Variants in GRIK2 observed in about 807,000 individuals in gnomAD.
GRIK2 encodes glutamate receptor ionotropic, kainate 2.
A neutral mutation model predicts 100.3 loss-of-function variants in GRIK2; 32 were observed. The observed-to-expected ratio is 0.32, with a 90% CI of 0.24 to 0.43. GRIK2 has a LOEUF of 0.43. GRIK2 is among the 20% of genes least tolerant of loss of function. The pLI, the probability that GRIK2 is intolerant of heterozygous loss-of-function variation, is 1.00. For missense variants in GRIK2, 843 were observed against 1,114.9 expected, an observed-to-expected ratio of 0.76 and a Z score of 3.47; for synonymous variants, 417 against 389.4, an observed-to-expected ratio of 1.07 and a Z score of -0.83.
intron 2 of GRIK2, among the ~76,000 whole-genome samples, chr6:101,593,757 A>C (rs1004577889): frequency 6.6e-6 from 1 of 151,892 alleles, no homozygotes; most frequent in African/African-American, 2.4e-5. Context: ...TTACTTCCCA[A>C]TGAGCAAAGT....
At chr6:101,737,902 A>C (rs1214846895) in intron 7 of GRIK2, among the ~76,000 whole-genome samples, 1 of 152,188 alleles carries the variant, frequency 6.6e-6, no homozygotes, top group Non-Finnish European at 1.5e-5. Context: ...GATTAAAATC[A>C]GGAAACATTT....
chr6:101,676,632 G>A lies in GRIK2; in HGVS notation c.551G>A (p.Arg184His), dbSNP rs777004979. Residue 184 changes from arginine (R) to histidine (H), a missense_variant, in exon 5 of 17, where the codon CGT becomes CAT. By Grantham distance (29) the Arg-to-His change is conservative. Coordinates refer to ENST00000369134, the MANE Select transcript of GRIK2 (RefSeq NM_021956.5). Reference protein sequence around the residue: ...VVYDDSTGLIRLQELIKAPSR... With the variant: ...VVYDDSTGLIHLQELIKAPSR... ...TCCATTTTAATTAAAGGTCTCATTC[G>A]TTTGCAAGAGCTCATCAAAGCTCCA... The A allele has an allele frequency of 3.4e-6, 5 of 1,490,078 alleles. No homozygotes were observed. Among genetic ancestry groups the A allele is most frequent in the Non-Finnish European group, 4.5e-6 (5 of 1,116,920 alleles). 92.3% of individuals were successfully genotyped at this position (1,490,078 alleles called of 1,614,324 possible).
At chr6:101,476,733 T>C (rs1465145033) in intron 2 of GRIK2, among the ~76,000 whole-genome samples, 1 of 152,174 alleles carries the variant, frequency 6.6e-6, no homozygotes, top group African/African-American at 2.4e-5. Context: ...TTAAAAATCA[T>C]ATGTTCTGCC....
chr6:101,432,489 A>G (rs907001631), intron 2 of GRIK2, among the ~76,000 whole-genome samples: 3 of 152,196 alleles, frequency 2.0e-5, no homozygotes, highest in Non-Finnish European at 4.4e-5. Flanking sequence ...CACTAAGTAA[A>G]CATTTATTGA....
chr6:101,894,934 A>G (rs1301062181), intron 12 of GRIK2, among the ~76,000 whole-genome samples: 2 of 151,780 alleles, frequency 1.3e-5, no homozygotes, highest in Admixed American at 6.6e-5. Flanking sequence ...ATATCCCTCC[A>G]ACAGGATTGA....
chr6:101,701,647 GCA>G lies in GRIK2; in HGVS notation c.951+15297_951+15298del, dbSNP rs1285911458. 2.0e-5 allele frequency among the ~76,000 whole-genome samples: 3 copies of G among 152,080 alleles called. No individual in the cohort carries two copies. The East Asian group carries it at 5.8e-4, about 29-fold the overall frequency. ...CATGAATTTAACTGACAAAAATTAT[GCA>G]CAGTTTTCTTGATTTGAAAGTCTCA... On this transcript the variant is annotated intron_variant, in intron 7 of 16. Coordinates refer to ENST00000369134, the MANE Select transcript of GRIK2 (RefSeq NM_021956.5).
chr6:101,407,768 T>G (rs1253665680), intron 2 of GRIK2, among the ~76,000 whole-genome samples: 1 of 152,276 alleles, frequency 6.6e-6, no homozygotes, highest in African/African-American at 2.4e-5. Context: ...GCTTCTGATA[T>G]TAAGGATTGT....
chr6:101,799,166 AG>A (rs1780510051), intron 7 of GRIK2, among the ~76,000 whole-genome samples: 1 of 152,154 alleles, frequency 6.6e-6, no homozygotes, highest in Non-Finnish European at 1.5e-5. Flanking sequence ...TAAGGTTTTA[AG>A]TAAGTCTCCC....
intron 2 of GRIK2, among the ~76,000 whole-genome samples, chr6:101,432,651 T>C (rs1769472620): frequency 6.6e-6 from 1 of 152,196 alleles, no homozygotes; most frequent in Non-Finnish European, 1.5e-5. Context: ...AAAAATTCAT[T>C]TTAATCTATC....
intron 10 of GRIK2, among the ~76,000 whole-genome samples, chr6:101,828,585 G>A (rs891156008): frequency 2.0e-5 from 3 of 151,798 alleles, no homozygotes; most frequent in Non-Finnish European, 4.4e-5. Context: ...CACAACATAT[G>A]TGATATTACA....
At chr6:102,010,687 C>G (rs1008481225) in intron 14 of GRIK2, among the ~76,000 whole-genome samples, 1 of 151,764 alleles carries the variant, frequency 6.6e-6, no homozygotes, top group Non-Finnish European at 1.5e-5. Context: ...CGGGCCCCCT[C>G]CCTTCTTCTT....
chr6:101,520,735 T>A (rs1774840619), intron 2 of GRIK2, among the ~76,000 whole-genome samples: 1 of 152,078 alleles, frequency 6.6e-6, no homozygotes, highest in African/African-American at 2.4e-5. Flanking sequence ...ATAGATTTAG[T>A]AGAACATAAC....
chr6:101,794,976 C>T (rs1583167551), intron 7 of GRIK2, among the ~76,000 whole-genome samples: 4 of 152,068 alleles, frequency 2.6e-5, no homozygotes, highest in African/African-American at 9.6e-5. Flanking sequence ...AGCCATTCTC[C>T]TGCCTTAGCC....
intron 2 of GRIK2, among the ~76,000 whole-genome samples, chr6:101,530,444 T>G (rs1277993816): frequency 6.6e-6 from 1 of 151,870 alleles, no homozygotes; most frequent in East Asian, 1.9e-4. Context: ...ACATAACAAT[T>G]AGAAGGAAAT....
intron 2 of GRIK2, among the ~76,000 whole-genome samples, chr6:101,501,462 C>T (rs969822191): frequency 6.6e-6 from 1 of 152,122 alleles, no homozygotes; most frequent in African/African-American, 2.4e-5. Flanking sequence ...CTGCAGATTG[C>T]ATAATTGCTG....
intron 7 of GRIK2, among the ~76,000 whole-genome samples, chr6:101,700,750 A>T (rs1772836027): frequency 6.6e-6 from 1 of 152,134 alleles, no homozygotes; most frequent in African/African-American, 2.4e-5. Flanking sequence ...TCCTGCTTCC[A>T]GGAAGGCATA....
At position 101,817,022 on chromosome 6, in the gene GRIK2, A is replaced by T. The variant is rs148344749; in HGVS notation, c.1204-1348A>T. Among the ~76,000 whole-genome samples, 11 of 152,320 alleles carry T rather than the reference A, an allele frequency of 7.2e-5. No homozygotes were observed. The East Asian group carries it at 2.1e-3, about 29-fold the overall frequency. On this transcript the variant is annotated intron_variant, in intron 9 of 16. Transcript: ENST00000369134. ...CTGTACATTATCATGTTTCACATTGATATGACCGGCTTGGCTCCTGAAGCC... is the reference window on the plus strand; with the variant it reads ...CTGTACATTATCATGTTTCACATTGTTATGACCGGCTTGGCTCCTGAAGCC...
chr6:101,456,710 A>G (rs921251019), intron 2 of GRIK2, among the ~76,000 whole-genome samples: 1 of 152,066 alleles, frequency 6.6e-6, no homozygotes, highest in Non-Finnish European at 1.5e-5. Context: ...TAGAGTTTAA[A>G]AAAGAATGTA....
chr6:101,795,862 C>T (rs532514552), intron 7 of GRIK2, among the ~76,000 whole-genome samples: 4 of 152,352 alleles, frequency 2.6e-5, no homozygotes, highest in Admixed American at 1.3e-4. Flanking sequence ...ACAGGGCAAT[C>T]TCCATGCCCC....
Sources: allele counts gnomAD v4.1 joint callset (sites outside exome capture counted in the v4.1 genomes callset), GRCh38; gene constraint gnomAD v4.1.1; transcripts MANE v1.5; gene names NCBI Gene and HGNC (gene_info 2026-07-23, HGNC 2026-07-21).